TAB2: variants seen among roughly 807,000 people sequenced by gnomAD.
TAB2 encodes the protein TGF-beta-activated kinase 1 and MAP3K7-binding protein 2.
Under a neutral mutation model 65.0 loss-of-function variants are expected in TAB2, and 3 were observed. That is an observed-to-expected ratio of 0.05 (90% CI 0.02 to 0.12). The LOEUF (loss-of-function observed/expected upper bound fraction) is 0.12. Ranked by LOEUF, TAB2 falls within the 10% of genes least tolerant of loss-of-function variation. The pLI is 1.00. For missense variants in TAB2, 623 were observed against 840.3 expected (o/e 0.74, Z 3.20); for synonymous variants, 298 against 285.1 (o/e 1.05, Z -0.46).
chr6:149,407,516 C>T (rs912439517), intron 6 of TAB2, among the ~76,000 whole-genome samples: 4 of 152,038 alleles, frequency 2.6e-5, no homozygotes, highest in African/African-American at 7.2e-5. Flanking sequence ...TAAAAACATC[C>T]ATTACTTAAA....
At chr6:149,241,851 T>G (rs1329334862) in intron 1 of TAB2, among the ~76,000 whole-genome samples, 1 of 152,160 alleles carries the variant, frequency 6.6e-6, no homozygotes. Flanking sequence ...TAGAAAGAAT[T>G]GGGGAAGAAG....
intron 1 of TAB2, chr6:149,246,318 CA>C (rs1777716308): frequency 6.6e-6 from 1 of 152,240 alleles, no homozygotes; most frequent in Non-Finnish European, 1.5e-5. Flanking sequence ...CCTAAAATTT[CA>C]AATTGTGTTC....
At chr6:149,328,862 G>A (rs1366088358) in intron 1 of TAB2, among the ~76,000 whole-genome samples, 2 of 152,168 alleles carry the variant, frequency 1.3e-5, no homozygotes, top group Non-Finnish European at 2.9e-5. Flanking sequence ...GAAAGGATAT[G>A]ACAGGGAAAT....
At chr6:149,293,713 T>A (rs76853974) in intron 1 of TAB2, among the ~76,000 whole-genome samples, 7,913 of 152,290 alleles carry the variant, frequency 0.052, 650 homozygotes, top group African/African-American at 0.18. Context: ...AAGTTTAACA[T>A]GTTCTGTTAA....
chr6:149,308,381 A>G (rs1562407999), intron 1 of TAB2, among the ~76,000 whole-genome samples: 1 of 152,204 alleles, frequency 6.6e-6, no homozygotes, highest in Non-Finnish European at 1.5e-5. Context: ...TTTTTAAAAA[A>G]TCTTTGCCAT....
At chr6:149,409,503 G>GTAA in intron 6 of TAB2, 74 bp from the exon 7 acceptor site, 6 of 1,365,572 alleles carry the variant, frequency 4.4e-6, no homozygotes, top group Non-Finnish European at 6.2e-6. Context: ...ACTACAAATG[G>GTAA]TGTTTAAAGT....
chr6:149,354,286 C>T (rs1035434107), intron 1 of TAB2, among the ~76,000 whole-genome samples: 6 of 152,282 alleles, frequency 3.9e-5, no homozygotes, highest in East Asian at 3.9e-4. Context: ...TACAGAGCCT[C>T]ATTTTGGATT....
intron 1 of TAB2, chr6:149,291,354 CG>C (rs1778773295): frequency 6.6e-6 from 1 of 152,176 alleles, no homozygotes. Context: ...TATTTTAAGC[CG>C]GGCACAGTGG....
intron 6 of TAB2, among the ~76,000 whole-genome samples, chr6:149,402,788 G>T (rs929127156): frequency 2.0e-5 from 3 of 152,138 alleles, no homozygotes; most frequent in Non-Finnish European, 4.4e-5. Context: ...ATGACCAAGT[G>T]GGGTTTATCT....
chr6:149,359,437 T>C (rs538489490), intron 1 of TAB2, among the ~76,000 whole-genome samples: 81 of 152,314 alleles, frequency 5.3e-4, no homozygotes, highest in South Asian at 1.7e-3. Flanking sequence ...AGGGAGATGT[T>C]TCCTTCCCAC....
At position 149,317,838 on chromosome 6, in the gene TAB2, G is replaced by A. The variant is rs901736553; in HGVS notation, c.-267G>A. ...TTGGCGGCGGCGGGCGAGCGGAGGG[G>A]GCTGAGCGGGGAGGGAGGGAGGGCT... On this transcript the variant is annotated 5_prime_UTR_variant, in exon 1 of 7. Transcript: ENST00000637181. The surrounding 1 kb of genome is among the most constrained non-coding windows in gnomAD (Gnocchi z 4.7). 3 of 163,272 alleles carry A rather than the reference G, an allele frequency of 1.8e-5. No homozygotes were observed. The East Asian group carries it at 5.6e-4, about 30-fold the overall frequency. 10.1% of individuals were successfully genotyped at this position (163,272 alleles called of 1,614,324 possible). A position where few individuals can be genotyped will look rare whatever the true frequency, so the allele number is the denominator to read the frequency against.
chr6:149,379,623 A>G (rs1781543558), intron 3 of TAB2, 105 bp downstream of exon 3: 2 of 1,052,866 alleles, frequency 1.9e-6, no homozygotes, highest in Admixed American at 3.4e-5. Flanking sequence ...TCATTGTTTA[A>G]ATATTGCCCC....
intron 1 of TAB2, among the ~76,000 whole-genome samples, chr6:149,368,837 A>G (rs534963327): frequency 3.9e-5 from 6 of 152,318 alleles, no homozygotes; most frequent in Non-Finnish European, 8.8e-5. Flanking sequence ...TTATTACTAT[A>G]TAAGTGAGCG....
At chr6:149,231,313 C>T (rs1777400838) in intron 1 of TAB2, among the ~76,000 whole-genome samples, 1 of 152,178 alleles carries the variant, frequency 6.6e-6, no homozygotes, top group Non-Finnish European at 1.5e-5. Context: ...ACTTTAATGT[C>T]AGAGACTTTA....
rs1782845987 is a variant in TAB2, at chr6:149,411,159, A to T, written c.*1440A>T. ...AAAAGAACAGTATGCATTTAAAAAGACAGAATTATGAAATTATATGAGTGC... is the reference window on the plus strand; with the variant it reads ...AAAAGAACAGTATGCATTTAAAAAGTCAGAATTATGAAATTATATGAGTGC... On this transcript the variant is annotated 3_prime_UTR_variant, in exon 7 of 7. Transcript: ENST00000637181. The T allele has an allele frequency of 6.5e-6, 1 of 152,678 alleles. No individual in the cohort carries two copies. The highest frequency in any genetic ancestry group is 1.5e-5 in the Non-Finnish European group (1 of 68,046). The allele number at this position is 152,678 out of a possible 1,614,324, so 9.5% of individuals were successfully genotyped here.
At chr6:149,342,887 A>T (rs778518736) in intron 1 of TAB2, 3 of 152,180 alleles carry the variant, frequency 2.0e-5, no homozygotes, top group Non-Finnish European at 4.4e-5. Context: ...CTGCCTTATT[A>T]TTAAATCTAT....
chr6:149,385,358 T>C (rs1781755857), intron 3 of TAB2, among the ~76,000 whole-genome samples: 1 of 152,228 alleles, frequency 6.6e-6, no homozygotes, highest in Admixed American at 6.5e-5. Flanking sequence ...TTGTTGACAT[T>C]GAAATCACTT....
intron 3 of TAB2, among the ~76,000 whole-genome samples, chr6:149,388,329 A>G (rs956882304): frequency 6.6e-6 from 1 of 152,228 alleles, no homozygotes; most frequent in African/African-American, 2.4e-5. Context: ...AACAAAGCAC[A>G]CAGCCACACC....
At chr6:149,218,039 C>A (rs983425318), upstream of TAB2, 2 of 152,170 alleles carry the variant, frequency 1.3e-5, no homozygotes, top group Non-Finnish European at 2.9e-5. Flanking sequence ...AACTACGAGA[C>A]AAGAGGAGCC....
Sources: gnomAD v4.1 joint callset for allele counts (sites outside exome capture counted in the v4.1 genomes callset) on GRCh38, gnomAD v4.1.1 for gene constraint, Gnocchi (gnomAD v3.1) non-coding constraint, MANE v1.5 for transcripts, NCBI Gene and HGNC (gene_info 2026-07-23, HGNC 2026-07-21) for gene names.